Variants in ACSM1 observed in about 807,000 individuals in gnomAD.
ACSM1 encodes acyl-CoA synthetase medium chain family member 1.
A neutral mutation model predicts 75.8 loss-of-function variants in ACSM1; 79 were observed. That is an observed-to-expected ratio of 1.04 (90% CI 0.87 to 1.26). The LOEUF (loss-of-function observed/expected upper bound fraction) is 1.26. Ranked by LOEUF, ACSM1 falls within the 50% of genes most tolerant of loss-of-function variation. The pLI is 0.00. For synonymous variants in ACSM1, 279 were observed against 265.8 expected (o/e 1.05, Z -0.48); for missense variants, 676 against 720.1 (o/e 0.94, Z 0.70).
intron 1 of ACSM1, among the ~76,000 whole-genome samples, chr16:20,693,408 A>C (rs1282211042): frequency 6.6e-6 from 1 of 152,212 alleles, no homozygotes; most frequent in African/African-American, 2.4e-5. Context: ...TGATTGGAAA[A>C]AATGGCTTAA....
At chr16:20,661,668 G>T in intron 7 of ACSM1, 126 bp downstream of exon 7, 2 of 581,022 alleles carry the variant, frequency 3.4e-6, no homozygotes, top group Non-Finnish European at 5.8e-6. Flanking sequence ...GATCATCATC[G>T]CCACCAACAC....
chr16:20,680,635 A>G (rs1449309500), intron 4 of ACSM1: 1 of 152,266 alleles, frequency 6.6e-6, no homozygotes, highest in African/African-American at 2.4e-5. Flanking sequence ...AAAGGCTTTC[A>G]CAGAGGCAGT....
intron 2 of ACSM1, among the ~76,000 whole-genome samples, chr16:20,687,862 T>C (rs1025876273): frequency 3.3e-5 from 5 of 152,080 alleles, no homozygotes; most frequent in African/African-American, 9.7e-5. Context: ...GGCTACCGGA[T>C]CACTTGAGGT....
At chr16:20,672,046 AC>A (rs939623532) in intron 4 of ACSM1, among the ~76,000 whole-genome samples, 2 of 152,076 alleles carry the variant, frequency 1.3e-5, no homozygotes, top group Non-Finnish European at 2.9e-5. Context: ...ACTCAGAGCA[AC>A]CCTAGGAGAT....
At chr16:20,640,394 C>G in intron 8 of ACSM1, 67 bp downstream of exon 8, 1 of 1,590,886 alleles carries the variant, frequency 6.3e-7, no homozygotes, top group South Asian at 1.1e-5. Context: ...TGTCATTAAC[C>G]TTAGCAAAAT....
In ACSM1 at chr16:20,636,754, G is replaced by T. The variant is rs61739414; in HGVS notation, c.1284C>A (p.Leu428=). ...GGGTCATTACCTCATAGCACATGAAGAGGCTCACAGGCCTGACAGGTTTGA... is the reference window on the plus strand; with the variant it reads ...GGGTCATTACCTCATAGCACATGAATAGGCTCACAGGCCTGACAGGTTTGA... ...IRIKPVRPVS[L]FMCYEGDPEK... is the part of the protein sequence containing the mutation. The change falls in exon 10 of 14, where the codon CTC becomes CTA. Residue 428 remains leucine (L), a synonymous_variant. Coordinates refer to ENST00000520010, the MANE Select transcript of ACSM1 (RefSeq NM_001318890.3). The T allele has an allele frequency of 5.1e-3, 8,270 of 1,613,998 alleles. 27 individuals are homozygous for T. Among genetic ancestry groups the T allele is most frequent in the Non-Finnish European group, 6.2e-3 (7,340 of 1,179,884 alleles).
intron 7 of ACSM1, among the ~76,000 whole-genome samples, chr16:20,656,545 T>A (rs2018969197): frequency 6.6e-6 from 1 of 152,234 alleles, no homozygotes; most frequent in Non-Finnish European, 1.5e-5. Flanking sequence ...AACACAAAGA[T>A]GTCAATTCTC....
At chr16:20,695,717 A>T (rs1250977376) in intron 1 of ACSM1, among the ~76,000 whole-genome samples, 1 of 152,138 alleles carries the variant, frequency 6.6e-6, no homozygotes, top group Non-Finnish European at 1.5e-5. Flanking sequence ...ATATATAAGA[A>T]CCTGATCTCC....
intron 6 of ACSM1, among the ~76,000 whole-genome samples, chr16:20,665,627 C>CT (rs111831025): frequency 0.19 from 29,179 of 151,984 alleles, 4,013 homozygotes; most frequent in African/African-American, 0.39. Flanking sequence ...TCCTTTCTAA[C>CT]CATTCTATGA....
intron 1 of ACSM1, among the ~76,000 whole-genome samples, chr16:20,694,666 A>G (rs2079680127): frequency 6.6e-6 from 1 of 152,182 alleles, no homozygotes; most frequent in African/African-American, 2.4e-5. Flanking sequence ...CAAAAGGGAG[A>G]GATATAGTGA....
chr16:20,671,562 C>G lies in ACSM1; in HGVS notation c.721G>C (p.Gly241Arg), dbSNP rs773200275. The change falls in exon 5 of 14, where the codon GGG (glycine) becomes CGG (arginine). Residue 241 changes from glycine to arginine, a missense_variant. Physicochemically the swap from Gly to Arg is moderately radical, Grantham distance 125. Coordinates refer to ENST00000520010, the MANE Select transcript of ACSM1 (RefSeq NM_001318890.3). ...GGGAAGGAGGGTTGTAAGGCCAACC[C>G]ATGGGAGTGTTTTGCCATCTTGGGG... ...GFPKMAKHSH[G>R]LALQPSFPGS... 6.2e-7 allele frequency: 1 copy of G among 1,613,514 alleles called. No individual in the cohort carries two copies. Among genetic ancestry groups the G allele is most frequent in the East Asian group, 2.2e-5 (1 of 44,854 alleles).
chr16:20,673,221 G>C (rs1005894724), intron 4 of ACSM1, among the ~76,000 whole-genome samples: 1 of 151,576 alleles, frequency 6.6e-6, no homozygotes, highest in African/African-American at 2.4e-5. Flanking sequence ...TGTTTCTCAG[G>C]AGCTTCCCCT....
intron 6 of ACSM1, among the ~76,000 whole-genome samples, chr16:20,665,676 C>A (rs902177305): frequency 6.6e-6 from 1 of 152,032 alleles, no homozygotes; most frequent in Admixed American, 6.6e-5. Context: ...GGCAGAGATA[C>A]AATGACAAAA....
intron 10 of ACSM1, among the ~76,000 whole-genome samples, chr16:20,628,028 G>T (rs1048590327): frequency 6.6e-6 from 1 of 150,712 alleles, no homozygotes; most frequent in Non-Finnish European, 1.5e-5. Flanking sequence ...GATGAGAGGG[G>T]TCAATAAACA....
chr16:20,694,503 G>T (rs917309475), intron 1 of ACSM1, among the ~76,000 whole-genome samples: 7 of 152,106 alleles, frequency 4.6e-5, no homozygotes, highest in Admixed American at 1.3e-4. Flanking sequence ...CCTTCCACAG[G>T]CATGAGCTTA....
At position 20,627,283 on chromosome 16, in the gene ACSM1, C is replaced by T. The variant is rs2016993557; in HGVS notation, c.1333G>A (p.Gly445Arg). 3.2e-6 allele frequency: 5 copies of T among 1,584,082 alleles called. No individual in the cohort carries two copies. Among genetic ancestry groups the T allele is most frequent in the Non-Finnish European group, 4.3e-6 (5 of 1,167,468 alleles). Reference protein sequence around the residue: ...DPEKTAKVECGDFYNTGDRGK... With the variant: ...DPEKTAKVECRDFYNTGDRGK... ...CTGTCCCCAGTGTTGTAGAAGTCCC[C>T]ACATTCCACTTTAGCTGTCTTCTCT... is the stretch of plus-strand genomic sequence containing the variant. Residue 445 changes from glycine to arginine, a missense_variant, in exon 11 of 14, where the codon GGG becomes AGG. Transcript: ENST00000520010.
At chr16:20,632,981 C>T (rs1368720325) in intron 10 of ACSM1, among the ~76,000 whole-genome samples, 1 of 152,198 alleles carries the variant, frequency 6.6e-6, no homozygotes, top group East Asian at 1.9e-4. Context: ...AATACCCTTT[C>T]ATGGTAAAAA....
intron 10 of ACSM1, among the ~76,000 whole-genome samples, chr16:20,635,713 C>A (rs1023933262): frequency 6.6e-6 from 1 of 151,282 alleles, no homozygotes; most frequent in African/African-American, 2.4e-5. Flanking sequence ...GATCTTGGTT[C>A]ACTGCAACCT....
chr16:20,627,824 A>ATCTCCCTC (rs1370416874), intron 10 of ACSM1, among the ~76,000 whole-genome samples: 4 of 99,128 alleles, frequency 4.0e-5, no homozygotes, highest in African/African-American at 1.1e-4. Flanking sequence ...GTGAGACTTC[A>ATCTCCCTC]TCTCTCTCTC....
Sources: gnomAD v4.1 joint callset for allele counts (sites outside exome capture counted in the v4.1 genomes callset) on GRCh38, gnomAD v4.1.1 for gene constraint, MANE v1.5 for transcripts, NCBI Gene and HGNC (gene_info 2026-07-23, HGNC 2026-07-21) for gene names.